Variants in PDZRN4 observed in about 807,000 individuals in gnomAD.
PDZRN4 encodes the protein PDZ domain-containing RING finger protein 4.
PDZRN4 carries 70 observed loss-of-function variants against 99.0 expected under a neutral mutation model. The observed-to-expected ratio is 0.71, with a 90% CI of 0.58 to 0.86. PDZRN4 has a LOEUF of 0.86. Ranked by LOEUF, PDZRN4 falls within the 40% of genes least tolerant of loss-of-function variation. PDZRN4 has a pLI of 0.00. For missense variants in PDZRN4, 1,474 were observed against 1,331.2 expected (o/e 1.11, Z -1.67); for synonymous variants, 551 against 501.6 (o/e 1.10, Z -1.32).
At chr12:41,227,016 G>A in intron 3 of PDZRN4, among the ~76,000 whole-genome samples, 1 of 152,108 alleles carries the variant, frequency 6.6e-6, no homozygotes, top group Non-Finnish European at 1.5e-5. Context: ...ATAGGCATAT[G>A]CATCTTAAAC....
chr12:41,434,121 T>C (rs1952608367), intron 3 of PDZRN4, among the ~76,000 whole-genome samples: 1 of 152,208 alleles, frequency 6.6e-6, no homozygotes, highest in South Asian at 2.1e-4. Flanking sequence ...TGACCTTTTA[T>C]TGTTATTAAA....
chr12:41,512,868 A>G (rs145218158), intron 5 of PDZRN4, among the ~76,000 whole-genome samples: 210 of 152,204 alleles, frequency 1.4e-3, no homozygotes, highest in African/African-American at 4.6e-3. Flanking sequence ...CTGACATTTT[A>G]ATGGCAAAAT....
chr12:41,222,208 T>C (rs901524361), intron 3 of PDZRN4, among the ~76,000 whole-genome samples: 2 of 152,192 alleles, frequency 1.3e-5, no homozygotes, highest in Admixed American at 1.3e-4. Flanking sequence ...GGCCATATGG[T>C]ATTTTTTGCT....
intron 3 of PDZRN4, among the ~76,000 whole-genome samples, chr12:41,339,259 A>G (rs1951798413): frequency 6.6e-6 from 1 of 152,118 alleles, no homozygotes; most frequent in Admixed American, 6.6e-5. Flanking sequence ...TAGAGAACAC[A>G]TAAATAAATG....
chr12:41,191,720 C>G (rs1043831725), intron 2 of PDZRN4, among the ~76,000 whole-genome samples, 176 bp downstream of exon 2: 38 of 151,984 alleles, frequency 2.5e-4, no homozygotes, highest in Non-Finnish European at 2.6e-4. Flanking sequence ...TTTCTTAATG[C>G]AAATATTCCA....
intron 3 of PDZRN4, among the ~76,000 whole-genome samples, chr12:41,226,320 T>C (rs1950994494): frequency 6.6e-6 from 1 of 152,076 alleles, no homozygotes; most frequent in African/African-American, 2.4e-5. Flanking sequence ...TCCATAGTAC[T>C]AGCATCTTCT....
intron 3 of PDZRN4, among the ~76,000 whole-genome samples, chr12:41,346,093 C>G (rs562310170): frequency 1.0e-3 from 152 of 152,174 alleles, no homozygotes; most frequent in African/African-American, 3.0e-3. Context: ...AGATTAAGCC[C>G]CTTGTCCAAT....
intron 3 of PDZRN4, among the ~76,000 whole-genome samples, chr12:41,278,283 G>C (rs1248695421): frequency 6.6e-6 from 1 of 152,160 alleles, no homozygotes; most frequent in Non-Finnish European, 1.5e-5. Flanking sequence ...ATAGACACAA[G>C]ATACCAGAAA....
At chr12:41,449,660 T>G (rs1952759150) in intron 3 of PDZRN4, among the ~76,000 whole-genome samples, 1 of 152,192 alleles carries the variant, frequency 6.6e-6, no homozygotes, top group South Asian at 2.1e-4. Flanking sequence ...GATAATTGTC[T>G]GTAGCATAGA....
chr12:41,362,270 T>C (rs1951968992), intron 3 of PDZRN4, among the ~76,000 whole-genome samples: 1 of 152,032 alleles, frequency 6.6e-6, no homozygotes, highest in African/African-American at 2.4e-5. Context: ...AATAAACTTA[T>C]AATTACTTTA....
At chr12:41,556,981 C>G (rs1372742785) in intron 7 of PDZRN4, among the ~76,000 whole-genome samples, 2 of 151,852 alleles carry the variant, frequency 1.3e-5, no homozygotes, top group Non-Finnish European at 2.9e-5. Flanking sequence ...GAAACCCTGT[C>G]TCTACTAAAC....
Position 41,573,259 on chromosome 12 carries a change from T to A in PDZRN4, c.2480T>A (p.Ile827Asn), listed in dbSNP as rs766068187. 5 of 1,613,876 alleles carry A rather than the reference T, an allele frequency of 3.1e-6. No homozygotes were observed. The highest frequency in any genetic ancestry group is 3.4e-6 in the Non-Finnish European group (4 of 1,180,016). Residue 827 changes from isoleucine to asparagine, a missense_variant, in exon 10 of 10, where the codon ATC becomes AAC. Physicochemically the swap from Ile to Asn is moderately radical, Grantham distance 149 (BLOSUM62 -3). Coordinates refer to ENST00000402685, the MANE Select transcript of PDZRN4 (RefSeq NM_001164595.2). ...PDQEKAVSEH[I>N]PYLSPYHSSS... ...CAAGAGAAGGCAGTCAGCGAACACA[T>A]CCCTTACCTCTCTCCTTACCACAGC... is the stretch of plus-strand genomic sequence containing the variant.
At chr12:41,216,292 T>C (rs1950920404) in intron 3 of PDZRN4, among the ~76,000 whole-genome samples, 1 of 151,982 alleles carries the variant, frequency 6.6e-6, no homozygotes, top group Non-Finnish European at 1.5e-5. Context: ...AAGCAATCAT[T>C]ATGCAAATTC....
In PDZRN4 at chr12:41,188,614, G is replaced by A. The variant is rs1428384420; in HGVS notation, c.159G>A (p.Pro53=). The part of the protein sequence containing the change: ...LPWAVRRRRC[P]LQCQPLAPGE... Reference sequence around the variant, plus strand: ...GGGCGGTGCGGAGGCGCCGGTGCCCGCTGCAGTGCCAGCCCTTGGCGCCCG... The same window carrying A: ...GGGCGGTGCGGAGGCGCCGGTGCCCACTGCAGTGCCAGCCCTTGGCGCCCG... Residue 53 remains proline (P), a synonymous_variant, in exon 1 of 10, where the codon CCG becomes CCA. Transcript: ENST00000402685. The A allele has an allele frequency of 1.3e-6, 2 of 1,539,358 alleles. No homozygotes were observed. The highest frequency in any genetic ancestry group is 1.7e-6 in the Non-Finnish European group (2 of 1,149,388).
rs538571333 is a variant in PDZRN4, at chr12:41,438,249, C to T, written c.844-68207C>T. On this transcript the variant is annotated intron_variant, in intron 3 of 9. Transcript: ENST00000402685. ...TTTTTAACATTTTGTGTATCTACTGCCAAGATGTCAGTCACATAACAGGAG... is the reference window on the plus strand; with the variant it reads ...TTTTTAACATTTTGTGTATCTACTGTCAAGATGTCAGTCACATAACAGGAG... Among the ~76,000 whole-genome samples the T allele has an allele frequency of 2.0e-5, 3 of 152,238 alleles. No homozygotes were observed. In the East Asian group the frequency reaches 5.8e-4, roughly 29 times the overall value.
chr12:41,202,941 T>C (rs1950826990), intron 3 of PDZRN4, among the ~76,000 whole-genome samples: 1 of 152,064 alleles, frequency 6.6e-6, no homozygotes, highest in Non-Finnish European at 1.5e-5. Flanking sequence ...TTTGATGTTT[T>C]ATTTGCATGA....
intron 3 of PDZRN4, among the ~76,000 whole-genome samples, chr12:41,499,431 GAATC>G (rs1434306143): frequency 6.6e-6 from 1 of 152,000 alleles, no homozygotes. Context: ...TCCTCAGTAA[GAATC>G]AGAACATACC....
chr12:41,386,891 A>G (rs923855750), intron 3 of PDZRN4, among the ~76,000 whole-genome samples: 3 of 152,230 alleles, frequency 2.0e-5, no homozygotes. Flanking sequence ...TCCCTATTCA[A>G]TAAATGATGC....
chr12:41,528,492 C>A (rs956019891), intron 5 of PDZRN4, among the ~76,000 whole-genome samples: 7 of 152,158 alleles, frequency 4.6e-5, no homozygotes, highest in African/African-American at 1.4e-4. Flanking sequence ...AATAGAGCAA[C>A]AGCAGGACTT....
Sources: gnomAD v4.1 joint callset for allele counts (sites outside exome capture counted in the v4.1 genomes callset) on GRCh38, gnomAD v4.1.1 for gene constraint, MANE v1.5 for transcripts, NCBI Gene and HGNC (gene_info 2026-07-23, HGNC 2026-07-21) for gene names.